Variants in SFXN5 observed in about 807,000 individuals in gnomAD.
The protein encoded by SFXN5 is sideroflexin-5.
A neutral mutation model predicts 50.2 loss-of-function variants in SFXN5; 43 were observed. The observed-to-expected ratio is 0.86, with a 90% CI of 0.67 to 1.11. SFXN5 has a LOEUF of 1.11. Among genes scored for constraint, SFXN5 ranks in the 50% least tolerant of loss-of-function variants. SFXN5 has a pLI of 0.00. For synonymous variants in SFXN5, 203 were observed against 185.8 expected, an observed-to-expected ratio of 1.09 and a Z score of -0.75; for missense variants, 463 against 454.1, an observed-to-expected ratio of 1.02 and a Z score of -0.18.
At chr2:73,070,236 A>T (rs1273012275) in intron 1 of SFXN5, among the ~76,000 whole-genome samples, 1 of 152,170 alleles carries the variant, frequency 6.6e-6, no homozygotes, top group Non-Finnish European at 1.5e-5. Flanking sequence ...ATGGCCTCCT[A>T]CACTGGAAGG....
rs992179826 is a variant in SFXN5, at chr2:72,976,147, C to T, written c.626-4462G>A. 1.1e-4 allele frequency among the ~76,000 whole-genome samples: 17 copies of T among 152,248 alleles called. No homozygotes were observed. The East Asian group carries it at 2.9e-3, about 26-fold the overall frequency. ...TCCACAGGTAATGTTTTGGAAGGTT[C>T]ACAGCTCACAGAGTGGTCTGCTTGG... is the stretch of plus-strand genomic sequence containing the variant. On this transcript the variant is annotated intron_variant, in intron 10 of 13. Coordinates refer to ENST00000272433, the MANE Select transcript of SFXN5 (RefSeq NM_144579.3).
intron 9 of SFXN5, among the ~76,000 whole-genome samples, chr2:72,989,719 G>C (rs1672348179): frequency 6.6e-6 from 1 of 152,180 alleles, no homozygotes; most frequent in African/African-American, 2.4e-5. Flanking sequence ...AGAGGAAAAG[G>C]ACTTTCTGGT....
rs1559070666 is a variant in SFXN5, at chr2:72,944,953, G to GT, written c.*68dup. On this transcript the variant is annotated 3_prime_UTR_variant, in exon 14 of 14. Coordinates refer to ENST00000272433, the MANE Select transcript of SFXN5 (RefSeq NM_144579.3). Reference sequence around the variant, plus strand: ...CGTGCTGCTCCCTGCAGGTGCAGCCGTGAGTCTACGGCCCTGCCCCTCAGC... The same window carrying GT: ...CGTGCTGCTCCCTGCAGGTGCAGCCGTTGAGTCTACGGCCCTGCCCCTCAGC... 1.4e-6 allele frequency: 2 copies of GT among 1,462,248 alleles called. No homozygotes were observed. Among genetic ancestry groups the GT allele is most frequent in the Non-Finnish European group, 1.9e-6 (2 of 1,056,778 alleles). 90.6% of individuals were successfully genotyped at this position (1,462,248 alleles called of 1,614,324 possible).
chr2:73,071,663 C>T lies in SFXN5; in HGVS notation c.43G>A (p.Ala15Thr). 6.2e-7 allele frequency: 1 copy of T among 1,612,908 alleles called. No homozygotes were observed. The part of the protein sequence containing the change: ...ATTASAAAAS[A>T]ASASSDAPPF... ...GGTGCATCGCTCGAGGCGCTAGCGGCACTAGCCGCCGCCGCCGATGCTGTA... is the reference window on the plus strand; with the variant it reads ...GGTGCATCGCTCGAGGCGCTAGCGGTACTAGCCGCCGCCGCCGATGCTGTA... Residue 15 changes from alanine (A) to threonine (T), a missense_variant, in exon 1 of 14, where the codon GCC becomes ACC. Transcript: ENST00000272433.
chr2:73,027,050 T>C (rs564640494), intron 3 of SFXN5, among the ~76,000 whole-genome samples: 2 of 150,588 alleles, frequency 1.3e-5, no homozygotes, highest in Admixed American at 1.4e-4. Context: ...TTAGAGTGTA[T>C]ACCTTCTATT....
intron 3 of SFXN5, among the ~76,000 whole-genome samples, chr2:73,024,803 T>C (rs974958025): frequency 6.6e-6 from 1 of 152,218 alleles, no homozygotes; most frequent in African/African-American, 2.4e-5. Context: ...TTCATGTATA[T>C]GGCAATGTTG....
chr2:72,955,109 C>T (rs1047982615), intron 13 of SFXN5, among the ~76,000 whole-genome samples: 1 of 152,216 alleles, frequency 6.6e-6, no homozygotes, highest in Admixed American at 6.5e-5. Context: ...CGGCTGCCCC[C>T]CTGCTCCCCG....
At chr2:72,966,905 C>T (rs1192128716) in intron 12 of SFXN5, among the ~76,000 whole-genome samples, 1 of 152,202 alleles carries the variant, frequency 6.6e-6, no homozygotes, top group Non-Finnish European at 1.5e-5. Context: ...CCCTTATAAA[C>T]ACACAGGCTT....
intron 6 of SFXN5, among the ~76,000 whole-genome samples, chr2:73,003,302 T>C (rs1674170506): frequency 6.6e-6 from 1 of 152,246 alleles, no homozygotes; most frequent in Non-Finnish European, 1.5e-5. Context: ...CGGTGTCTTA[T>C]GGACTACACT....
intron 1 of SFXN5, among the ~76,000 whole-genome samples, chr2:73,063,703 T>C (rs1440094505): frequency 6.6e-6 from 1 of 152,184 alleles, no homozygotes; most frequent in Non-Finnish European, 1.5e-5. Context: ...TAGGACCTTA[T>C]AGAGTGAGAC....
At chr2:73,034,621 G>A (rs1020944086) in intron 3 of SFXN5, among the ~76,000 whole-genome samples, 2 of 152,104 alleles carry the variant, frequency 1.3e-5, no homozygotes, top group South Asian at 2.1e-4. Context: ...CAACCTCTGG[G>A]GAATGTTGAA....
chr2:73,052,368 G>A (rs1372197144), intron 2 of SFXN5, among the ~76,000 whole-genome samples: 49 of 130,972 alleles, frequency 3.7e-4, no homozygotes, highest in Non-Finnish European at 6.1e-4. Flanking sequence ...GCGTGTGTGT[G>A]TGTGTGTGTG....
intron 11 of SFXN5, among the ~76,000 whole-genome samples, chr2:72,971,186 G>C (rs1288786017): frequency 6.6e-6 from 1 of 152,054 alleles, no homozygotes; most frequent in Non-Finnish European, 1.5e-5. Context: ...GGCCTCCCAG[G>C]CTTCCTCGGC....
At chr2:72,999,418 G>A (rs898185475) in intron 8 of SFXN5, among the ~76,000 whole-genome samples, 3 of 152,080 alleles carry the variant, frequency 2.0e-5, no homozygotes, top group African/African-American at 7.2e-5. Flanking sequence ...CAGTGTCAAG[G>A]CTCTCACAGG....
chr2:72,954,611 A>C (rs1672878741), intron 13 of SFXN5, among the ~76,000 whole-genome samples: 1 of 152,122 alleles, frequency 6.6e-6, no homozygotes, highest in African/African-American at 2.4e-5. Flanking sequence ...AGCCCCAGCC[A>C]GGAAGCACAC....
At chr2:72,971,339 C>T (rs918535838) in intron 11 of SFXN5, among the ~76,000 whole-genome samples, 3 of 150,644 alleles carry the variant, frequency 2.0e-5, no homozygotes, top group African/African-American at 4.9e-5. Context: ...TGAGGGGCTG[C>T]GATAAGAGAC....
intron 1 of SFXN5, among the ~76,000 whole-genome samples, chr2:73,061,255 C>A (rs1316748625): frequency 1.4e-5 from 2 of 145,378 alleles, no homozygotes; most frequent in African/African-American, 5.2e-5. Flanking sequence ...TTGCAGCGAG[C>A]AGAGATCGCG....
At chr2:73,051,033 T>C (rs1681247073) in intron 2 of SFXN5, among the ~76,000 whole-genome samples, 1 of 152,210 alleles carries the variant, frequency 6.6e-6, no homozygotes. Flanking sequence ...GACACAGGCA[T>C]AATTTGGCCA....
At chr2:72,995,120 C>G (rs184025846) in intron 9 of SFXN5, among the ~76,000 whole-genome samples, 81 of 152,244 alleles carry the variant, frequency 5.3e-4, no homozygotes, top group African/African-American at 1.9e-3. Flanking sequence ...CCCCCAGCAC[C>G]TGCAAAGTAC....
Sources: gnomAD v4.1 joint callset for allele counts (sites outside exome capture counted in the v4.1 genomes callset) on GRCh38, gnomAD v4.1.1 for gene constraint, MANE v1.5 for transcripts, NCBI Gene and HGNC (gene_info 2026-07-23, HGNC 2026-07-21) for gene names.